SNX29: variants seen among roughly 807,000 people sequenced by gnomAD.
The protein encoded by SNX29 is sorting nexin-29.
A neutral mutation model predicts 102.1 loss-of-function variants in SNX29; 78 were observed. The ratio of observed to expected loss-of-function variants is 0.76; its 90% confidence interval spans 0.64 to 0.92. SNX29 has a LOEUF of 0.92. Ranked by LOEUF, SNX29 falls within the 40% of genes least tolerant of loss-of-function variation. SNX29 has a pLI of 0.00. For missense variants in SNX29, 1,280 were observed against 1,061.7 expected, an observed-to-expected ratio of 1.21 and a Z score of -2.86; for synonymous variants, 580 against 414.5, an observed-to-expected ratio of 1.40 and a Z score of -4.85.
rs2084044363 is a variant in SNX29 at position 12,403,504 on chromosome 16, C to T, written c.2012C>T (p.Ala671Val). The T allele has an allele frequency of 6.2e-6, 10 of 1,608,016 alleles. No individual in the cohort carries two copies. The highest frequency in any genetic ancestry group is 8.5e-6 in the Non-Finnish European group (10 of 1,177,212). The change falls in exon 18 of 21, where the codon GCA becomes GTA. Residue 671 changes from alanine (A) to valine (V), a missense_variant. Transcript: ENST00000566228. The part of the protein sequence containing the change: ...WIPSVFLRGK[A>V]ANAFHVYQVY... ...CCCTCAGTGTTTCTCCGGGGCAAAG[C>T]AGCAAATGCATTCCACGTGTATCAG...
At chr16:12,373,316 G>A (rs1006508610) in intron 16 of SNX29, among the ~76,000 whole-genome samples, 1 of 152,106 alleles carries the variant, frequency 6.6e-6, no homozygotes, top group East Asian at 1.9e-4. Flanking sequence ...TTTTTATAGA[G>A]ATGGGGTTTC....
intron 14 of SNX29, among the ~76,000 whole-genome samples, chr16:12,214,924 G>A (rs1319162981): frequency 1.3e-5 from 2 of 152,132 alleles, no homozygotes; most frequent in Non-Finnish European, 2.9e-5. Context: ...AGAAACATTA[G>A]CCAGGATATA....
intron 20 of SNX29, among the ~76,000 whole-genome samples, chr16:12,563,846 C>G (rs1205747110): frequency 3.3e-5 from 5 of 152,224 alleles, no homozygotes; most frequent in Non-Finnish European, 7.3e-5. Context: ...GTAAATATCC[C>G]TGCTGAATAG....
chr16:12,128,079 A>G (rs933990833), intron 12 of SNX29, among the ~76,000 whole-genome samples: 1 of 152,178 alleles, frequency 6.6e-6, no homozygotes, highest in Non-Finnish European at 1.5e-5. Flanking sequence ...GGAAACATAT[A>G]AAAGCAAACA....
intron 19 of SNX29, among the ~76,000 whole-genome samples, chr16:12,493,581 G>C (rs936148709): frequency 6.6e-6 from 1 of 152,136 alleles, no homozygotes; most frequent in Non-Finnish European, 1.5e-5. Context: ...TGTTGAATAG[G>C]AGTGGTGAGA....
rs1454520046 is a variant in SNX29, at chr16:12,506,022, G to A, written c.2179-18680G>A. ...GTCACCCAGGCTGGAGTACAGAGGTGTGATCTCGCCTCACTGCAACCTCCG... is the reference window on the plus strand; with the variant it reads ...GTCACCCAGGCTGGAGTACAGAGGTATGATCTCGCCTCACTGCAACCTCCG... On this transcript the variant is annotated intron_variant, in intron 19 of 20. Coordinates refer to ENST00000566228, the MANE Select transcript of SNX29 (RefSeq NM_032167.5). Among the ~76,000 whole-genome samples the A allele has an allele frequency of 6.6e-5, 10 of 152,210 alleles. No homozygotes were observed. The East Asian group carries it at 9.6e-4, about 15-fold the overall frequency.
intron 16 of SNX29, among the ~76,000 whole-genome samples, chr16:12,380,646 CCCACCATCCAT>C (rs1664082342): frequency 8.7e-6 from 1 of 114,600 alleles, no homozygotes; most frequent in Non-Finnish European, 1.7e-5. Flanking sequence ...CATCCATCCA[CCCACCATCCAT>C]CCACCCACCC....
intron 5 of SNX29, among the ~76,000 whole-genome samples, chr16:12,044,383 A>T (rs1349342434): frequency 6.6e-6 from 1 of 151,934 alleles, no homozygotes; most frequent in African/African-American, 2.4e-5. Flanking sequence ...AATACTCTTA[A>T]AGTTCTCTGT....
intron 1 of SNX29, among the ~76,000 whole-genome samples, chr16:11,981,024 A>G (rs2055402444): frequency 6.7e-6 from 1 of 149,730 alleles, no homozygotes; most frequent in African/African-American, 2.5e-5. Context: ...GCTGGAGTGC[A>G]GTGAGAAATC....
chr16:12,355,487 G>T (rs1020698032), intron 15 of SNX29, among the ~76,000 whole-genome samples: 3 of 152,158 alleles, frequency 2.0e-5, no homozygotes, highest in Non-Finnish European at 4.4e-5. Flanking sequence ...TCTAGATAAG[G>T]ATCTGCCTGA....
At chr16:12,259,036 G>A (rs1322677785) in intron 14 of SNX29, among the ~76,000 whole-genome samples, 1 of 152,048 alleles carries the variant, frequency 6.6e-6, no homozygotes, top group African/African-American at 2.4e-5. Context: ...GGAGTGCCAC[G>A]CCTCCCTCCC....
intron 9 of SNX29, among the ~76,000 whole-genome samples, chr16:12,064,409 C>G (rs1039952898): frequency 1.2e-4 from 18 of 152,218 alleles, no homozygotes; most frequent in South Asian, 4.1e-4. Context: ...GTCCCACACC[C>G]GGCTGTCAGC....
At chr16:12,345,654 G>T (rs40994) in intron 15 of SNX29, among the ~76,000 whole-genome samples, 3,955 of 152,306 alleles carry the variant, frequency 0.026, 181 homozygotes, top group African/African-American at 0.09. Flanking sequence ...TGAATGGATC[G>T]AAGGCGTTGG....
chr16:12,169,412 A>G (rs1425994830), intron 13 of SNX29, among the ~76,000 whole-genome samples: 1 of 152,118 alleles, frequency 6.6e-6, no homozygotes, highest in African/African-American at 2.4e-5. Flanking sequence ...TGACCCCAGG[A>G]GGCCATGTGG....
In SNX29 at chr16:12,091,219, C is replaced by CATACTGCT. The variant is rs551382052; in HGVS notation, c.1402+12307_1402+12314dup. ...GAAACTGAGAGGCTTTGCTGAAGGT[C>CATACTGCT]ATACTGCTATTGGGTGGTGGAGGCA... On this transcript the variant is annotated intron_variant, in intron 11 of 20. Coordinates refer to ENST00000566228, the MANE Select transcript of SNX29 (RefSeq NM_032167.5). 1.2e-4 allele frequency among the ~76,000 whole-genome samples: 19 copies of CATACTGCT among 152,198 alleles called. No homozygotes were observed. The South Asian group carries it at 3.7e-3, about 30-fold the overall frequency.
intron 4 of SNX29, among the ~76,000 whole-genome samples, chr16:12,035,057 G>A (rs1393512452): frequency 6.6e-6 from 1 of 151,982 alleles, no homozygotes; most frequent in Non-Finnish European, 1.5e-5. Flanking sequence ...TGAGTTGTCA[G>A]TTTTTAGATC....
intron 14 of SNX29, among the ~76,000 whole-genome samples, chr16:12,220,324 AAGGGAGGGAGGG>A (rs142734328): frequency 2.6e-5 from 3 of 113,826 alleles, no homozygotes; most frequent in Non-Finnish European, 3.7e-5. Flanking sequence ...GGGAGGGAGG[AAGGGAGGGAGGG>A]AGGGAGGGAG....
At position 12,269,837 on chromosome 16, in the gene SNX29, C is replaced by CCATCAT. The variant is rs201886063; in HGVS notation, c.1679-8077_1679-8072dup. Among the ~76,000 whole-genome samples, 37 of 129,322 alleles carry CCATCAT rather than the reference C, an allele frequency of 2.9e-4. No individual in the cohort carries two copies. The East Asian group carries it at 4.7e-3, about 16-fold the overall frequency. The allele number at this position is 129,322 out of a possible 152,430, so 84.8% of individuals were successfully genotyped here. On this transcript the variant is annotated intron_variant, in intron 14 of 20. Coordinates refer to ENST00000566228, the MANE Select transcript of SNX29 (RefSeq NM_032167.5). Reference sequence around the variant, plus strand: ...CTTTACATCATCATCATCATCATCACCATCATCATCATCATCATCATCATT... The same window carrying CCATCAT: ...CTTTACATCATCATCATCATCATCACCATCATCATCATCATCATCATCATCATCATT...
intron 19 of SNX29, among the ~76,000 whole-genome samples, chr16:12,485,439 G>A (rs1300243195): frequency 6.6e-6 from 1 of 152,152 alleles, no homozygotes; most frequent in African/African-American, 2.4e-5. Context: ...ACTTTCCCTG[G>A]AGCCACAGAT....
Sources: gnomAD v4.1 joint callset for allele counts (sites outside exome capture counted in the v4.1 genomes callset) on GRCh38, gnomAD v4.1.1 for gene constraint, MANE v1.5 for transcripts, NCBI Gene and HGNC (gene_info 2026-07-23, HGNC 2026-07-21) for gene names.